The following PCDHA8 variants were observed in gnomAD, a reference collection of about 807,000 sequenced individuals.
The protein encoded by PCDHA8 is protocadherin alpha-8.
PCDHA8 carries 53 observed loss-of-function variants against 61.8 expected under a neutral mutation model. That is an observed-to-expected ratio of 0.86 (90% CI 0.69 to 1.08). PCDHA8 has a LOEUF of 1.08. Among genes scored for constraint, PCDHA8 ranks in the 50% least tolerant of loss-of-function variants. The probability of loss-of-function intolerance (pLI) is 0.00; values close to 1 mark genes in which losing one functional copy is unlikely to be tolerated. For synonymous variants in PCDHA8, 618 were observed against 556.6 expected (o/e 1.11, Z -1.55); for missense variants, 1,293 against 1,245.0 (o/e 1.04, Z -0.58).
At chr5:140,915,626 GTCTCTCTCTC>G (rs57920489) in intron 1 of PCDHA8, among the ~76,000 whole-genome samples, 5 of 146,436 alleles carry the variant, frequency 3.4e-5, no homozygotes, top group Admixed American at 2.0e-4. Context: ...GTCTCTTTCT[GTCTCTCTCTC>G]TCTCTCTCTC....
chr5:140,856,566 C>A, intron 1 of PCDHA8: 2 of 1,597,240 alleles, frequency 1.3e-6, no homozygotes, highest in Non-Finnish European at 1.7e-6. Flanking sequence ...AAACTCAGTC[C>A]AAATGAGTAT....
rs35680913 is a variant in PCDHA8 at position 140,961,887 on chromosome 5, GT to G, written c.2395-17048del. Among the ~76,000 whole-genome samples, 881 of 143,912 alleles carry G rather than the reference GT, an allele frequency of 6.1e-3. 6 individuals carry two copies. The highest frequency in any genetic ancestry group is 0.018 in the African/African-American group (705 of 39,388). The allele number at this position is 143,912 out of a possible 152,430, so 94.4% of individuals were successfully genotyped here. ...ACAGATAATTGACTTACTTACATCA[GT>G]TTTTTTTTTTTTTGAGATGGAGTCT... On this transcript the variant is annotated intron_variant, in intron 1 of 3. Coordinates refer to ENST00000531613, the MANE Select transcript of PCDHA8 (RefSeq NM_018911.3).
intron 1 of PCDHA8, among the ~76,000 whole-genome samples, chr5:140,971,548 C>T (rs558563294): frequency 6.6e-6 from 1 of 152,246 alleles, no homozygotes; most frequent in African/African-American, 2.4e-5. Context: ...CCAGATCAAC[C>T]TGTTAAATTC....
intron 1 of PCDHA8, chr5:140,929,431 C>T (rs155360): frequency 0.52 from 779,088 of 1,485,262 alleles, 207,160 homozygotes; most frequent in African/African-American, 0.75. Context: ...ATCAATTGAA[C>T]TAAACACTCC....
intron 1 of PCDHA8, among the ~76,000 whole-genome samples, chr5:140,900,829 A>G (rs2068324648): frequency 6.6e-6 from 1 of 152,110 alleles, no homozygotes; most frequent in Non-Finnish European, 1.5e-5. Context: ...TCCCACCAAC[A>G]ATGTACAAAG....
chr5:140,924,274 T>C (rs904028474), intron 1 of PCDHA8, among the ~76,000 whole-genome samples: 1 of 152,232 alleles, frequency 6.6e-6, no homozygotes, highest in East Asian at 1.9e-4. Flanking sequence ...TCTGTACTTG[T>C]GACTACCTAA....
In PCDHA8 at chr5:140,877,407, C is replaced by G. The variant is rs1554169686; in HGVS notation, c.2394+33692C>G. The G allele has an allele frequency of 1.2e-6, 2 of 1,613,824 alleles. No individual in the cohort carries two copies. The highest frequency in any genetic ancestry group is 2.7e-5 in the African/African-American group (2 of 74,928). On this transcript the variant is annotated intron_variant, in intron 1 of 3. Coordinates refer to ENST00000531613, the MANE Select transcript of PCDHA8 (RefSeq NM_018911.3). ...TGGATGAGGCGGACGCTCCGCGCCA[C>G]CGCCTGCTGGTGCTGGTGAAGGACC...
At chr5:140,952,098 C>T (rs1337442909) in intron 1 of PCDHA8, among the ~76,000 whole-genome samples, 2 of 152,108 alleles carry the variant, frequency 1.3e-5, no homozygotes, top group African/African-American at 4.8e-5. Flanking sequence ...ACATCCAGGG[C>T]ACACTCGTGT....
intron 3 of PCDHA8, among the ~76,000 whole-genome samples, chr5:140,984,004 A>G (rs1039333145): frequency 6.6e-6 from 1 of 152,196 alleles, no homozygotes; most frequent in Admixed American, 6.5e-5. Context: ...TTAGAGAGCT[A>G]ATATTGCCAG....
intron 1 of PCDHA8, chr5:140,884,600 C>T: frequency 6.2e-7 from 1 of 1,614,150 alleles, no homozygotes; most frequent in Non-Finnish European, 8.5e-7. Flanking sequence ...CAGCCTTCCT[C>T]CTTGTCTGGG....
intron 1 of PCDHA8, among the ~76,000 whole-genome samples, chr5:140,936,113 G>A (rs1316824905): frequency 2.0e-5 from 3 of 151,964 alleles, no homozygotes; most frequent in South Asian, 2.1e-4. Context: ...GGCTGGTCTC[G>A]AACTCCTGAC....
chr5:141,010,260 C>T lies in PCDHA8; in HGVS notation c.*323C>T, dbSNP rs906685521. The stretch of plus-strand genomic sequence containing the variant: ...GAGAGGTTGGACTCTCTGCCCTGTG[C>T]TCCGGGGATCCTGTCTTGATGACAC... On this transcript the variant is annotated 3_prime_UTR_variant, in exon 4 of 4. Transcript: ENST00000531613. 6.4e-7 allele frequency: 1 copy of T among 1,551,674 alleles called. No individual in the cohort carries two copies. The highest frequency in any genetic ancestry group is 1.4e-5 in the African/African-American group (1 of 73,028).
chr5:140,869,176 G>C lies in PCDHA8; in HGVS notation c.2394+25461G>C, dbSNP rs200962401. The C allele has an allele frequency of 2.8e-5, 45 of 1,613,986 alleles. No individual in the cohort carries two copies. The East Asian group carries it at 9.6e-4, about 34-fold the overall frequency. On this transcript the variant is annotated intron_variant, in intron 1 of 3. Coordinates refer to ENST00000531613, the MANE Select transcript of PCDHA8 (RefSeq NM_018911.3). Reference sequence around the variant, plus strand: ...CTGGCTTCTCCTCCTCGAATTCTGGGAGGTGGGGAGCGGCCAGCTCCACTA... The same window carrying C: ...CTGGCTTCTCCTCCTCGAATTCTGGCAGGTGGGGAGCGGCCAGCTCCACTA...
intron 1 of PCDHA8, chr5:140,856,965 C>T: frequency 1.9e-6 from 3 of 1,590,456 alleles, no homozygotes; most frequent in Non-Finnish European, 2.6e-6. Context: ...GTAAATGATG[C>T]TATTGACTTT....
chr5:140,928,675 T>C (rs782241604), intron 1 of PCDHA8: 1 of 1,614,210 alleles, frequency 6.2e-7, no homozygotes, highest in South Asian at 1.1e-5. Flanking sequence ...TTCTAATGCC[T>C]GGCTTTCCTA....
At chr5:140,877,332 C>T (rs2057040352) in intron 1 of PCDHA8, 1 of 1,613,990 alleles carries the variant, frequency 6.2e-7, no homozygotes. Context: ...GCGCGCACAT[C>T]CCGTTCCACG....
chr5:140,906,595 C>T (rs1341854347), intron 1 of PCDHA8, among the ~76,000 whole-genome samples: 1 of 152,218 alleles, frequency 6.6e-6, no homozygotes, highest in Non-Finnish European at 1.5e-5. Context: ...CCTTCCTCTA[C>T]TACTCATTCT....
chr5:140,873,592 T>A (rs936003894), intron 1 of PCDHA8, among the ~76,000 whole-genome samples: 3 of 152,234 alleles, frequency 2.0e-5, no homozygotes, highest in African/African-American at 7.2e-5. Flanking sequence ...TAAGCTAAAC[T>A]TAGATGTTCC....
chr5:140,965,374 G>A (rs1554227648), intron 1 of PCDHA8, among the ~76,000 whole-genome samples: 1 of 152,098 alleles, frequency 6.6e-6, no homozygotes, highest in Admixed American at 6.6e-5. Flanking sequence ...AGGAAACTTG[G>A]GGACACAGAA....
Sources: gnomAD v4.1 joint callset for allele counts (sites outside exome capture counted in the v4.1 genomes callset) on GRCh38, gnomAD v4.1.1 for gene constraint, MANE v1.5 for transcripts, NCBI Gene and HGNC (gene_info 2026-07-23, HGNC 2026-07-21) for gene names.